Variants in MAF observed in about 807,000 individuals in gnomAD.
MAF encodes the protein MAF bZIP transcription factor, also known as transcription factor Maf.
Under a neutral mutation model 22.0 loss-of-function variants are expected in MAF, and 10 were observed. That is an observed-to-expected ratio of 0.45 (90% confidence interval 0.28 to 0.77). MAF has a LOEUF of 0.77. MAF is among the 30% of genes least tolerant of loss of function. MAF has a pLI of 0.12. For synonymous variants in MAF, 337 were observed against 255.8 expected, an observed-to-expected ratio of 1.32 and a Z score of -3.03; for missense variants, 544 against 548.4, an observed-to-expected ratio of 0.99 and a Z score of 0.08.
At position 79,599,267 on chromosome 16, in the gene MAF, G is replaced by A; in HGVS notation, c.636C>T (p.Gly212=). Residue 212 remains glycine (G), a synonymous_variant, in exon 1 of 2, where the codon GGC becomes GGT. Coordinates refer to ENST00000326043, the MANE Select transcript of MAF (RefSeq NM_005360.5). ...AAGSAAASAG[G]AGGAGGGGPA... is the part of the protein sequence containing the mutation. ...GGCCACCGCCGCCCGCGCCCCCAGC[G>A]CCACCGGCCGAGGCGGCCGCGCTGC... 1 of 978,528 alleles carries A rather than the reference G, an allele frequency of 1.0e-6. No individual in the cohort carries two copies. The highest frequency in any genetic ancestry group is 1.2e-6 in the Non-Finnish European group (1 of 827,378). 60.6% of individuals were successfully genotyped at this position (978,528 alleles called of 1,614,324 possible).
At chr16:79,462,747 C>A in the MAF span, among the ~76,000 whole-genome samples, 3 of 152,300 alleles carry the variant, frequency 2.0e-5, no homozygotes, top group African/African-American at 7.2e-5. Context: ...GGCCTTTGGA[C>A]CTATACCTAC....
the MAF span, among the ~76,000 whole-genome samples, chr16:79,344,220 C>T: frequency 6.6e-6 from 1 of 152,142 alleles, no homozygotes; most frequent in Non-Finnish European, 1.5e-5. Context: ...AGGAGTCCTT[C>T]TATTTACTTT....
chr16:79,576,387 G>C, the MAF span, among the ~76,000 whole-genome samples: 4 of 152,094 alleles, frequency 2.6e-5, no homozygotes, highest in Non-Finnish European at 5.9e-5. Flanking sequence ...ACCTGAGCTG[G>C]TCCTTCCCCA....
the MAF span, among the ~76,000 whole-genome samples, chr16:79,512,785 A>G: frequency 1.3e-5 from 2 of 152,140 alleles, no homozygotes; most frequent in African/African-American, 4.8e-5. Flanking sequence ...TATTGATTTC[A>G]CTCTTCCAAG....
the MAF span, among the ~76,000 whole-genome samples, chr16:79,306,681 G>C: frequency 6.6e-6 from 1 of 152,176 alleles, no homozygotes; most frequent in Admixed American, 6.5e-5. Context: ...CTGCTCACAT[G>C]ATTGCCAGCA....
chr16:79,560,944 T>A, the MAF span, among the ~76,000 whole-genome samples: 2 of 152,228 alleles, frequency 1.3e-5, no homozygotes, highest in Non-Finnish European at 1.5e-5. Context: ...GGTTCTCAAC[T>A]GCATTCAAGG....
chr16:79,391,535 A>T, the MAF span, among the ~76,000 whole-genome samples: 1 of 152,160 alleles, frequency 6.6e-6, no homozygotes, highest in Admixed American at 6.6e-5. Flanking sequence ...TGAGGGGCAG[A>T]CTTCTCAAAT....
chr16:79,570,110 G>C, the MAF span, among the ~76,000 whole-genome samples: 3 of 150,776 alleles, frequency 2.0e-5, no homozygotes, highest in African/African-American at 4.9e-5. Flanking sequence ...CAGCTCAAAA[G>C]GTTAAGAAAG....
chr16:79,559,695 T>A, the MAF span, among the ~76,000 whole-genome samples: 2 of 152,246 alleles, frequency 1.3e-5, no homozygotes, highest in African/African-American at 4.8e-5. Context: ...TGATTCCATT[T>A]TTAAATTGGA....
At chr16:79,416,675 G>A in the MAF span, among the ~76,000 whole-genome samples, 4 of 152,260 alleles carry the variant, frequency 2.6e-5, no homozygotes, top group Admixed American at 1.3e-4. Context: ...GCGGTGCTCC[G>A]AATGGTCAGT....
the MAF span, among the ~76,000 whole-genome samples, chr16:79,577,027 G>A: frequency 1.3e-5 from 2 of 152,054 alleles, no homozygotes; most frequent in Non-Finnish European, 2.9e-5. Context: ...CACATTACAG[G>A]GTATTAACGA....
In MAF at chr16:79,599,423, G is replaced by C; in HGVS notation, c.480C>G (p.Ala160=). Residue 160 remains alanine, a synonymous_variant, in exon 1 of 2, where the codon GCC becomes GCG. Transcript: ENST00000326043. ...LGGSGEEMGP[A]AAVVSAVIAA... ...CGATCACGGCGGACACCACGGCGGCGGCGGGGCCCATCTCCTCGCCGCTGC... is the reference window on the plus strand; with the variant it reads ...CGATCACGGCGGACACCACGGCGGCCGCGGGGCCCATCTCCTCGCCGCTGC... 8.4e-7 allele frequency: 1 copy of C among 1,188,786 alleles called. No homozygotes were observed. Among genetic ancestry groups the C allele is most frequent in the East Asian group, 3.7e-5 (1 of 27,318 alleles). The allele number at this position is 1,188,786 out of a possible 1,614,324, so 73.6% of individuals were successfully genotyped here.
chr16:79,595,708 T>G (rs1404610909), intron 1 of MAF: 1 of 1,057,880 alleles, frequency 9.5e-7, no homozygotes, highest in African/African-American at 1.6e-5. Context: ...AAGCACAGCC[T>G]ATATTCCACA....
chr16:79,539,334 A>G, the MAF span, among the ~76,000 whole-genome samples: 2 of 152,104 alleles, frequency 1.3e-5, no homozygotes, highest in Admixed American at 1.3e-4. Flanking sequence ...AAAACCCTGT[A>G]TCTGCTAAAA....
At chr16:79,417,678 C>T in the MAF span, among the ~76,000 whole-genome samples, 3 of 152,160 alleles carry the variant, frequency 2.0e-5, no homozygotes, top group African/African-American at 2.4e-5. Context: ...TACGGTCCTC[C>T]GTCCCCTCCC....
chr16:79,332,469 T>G, the MAF span, among the ~76,000 whole-genome samples: 1 of 152,128 alleles, frequency 6.6e-6, no homozygotes, highest in Non-Finnish European at 1.5e-5. Context: ...CACAGCTAAT[T>G]TTTGCATTTT....
downstream of MAF, among the ~76,000 whole-genome samples, chr16:79,592,434 T>A (rs1272801418): frequency 1.3e-5 from 2 of 152,248 alleles, no homozygotes; most frequent in African/African-American, 4.8e-5. Flanking sequence ...GGCTGTTTGA[T>A]GTCTGAATTT....
the MAF span, among the ~76,000 whole-genome samples, chr16:79,364,184 A>G: frequency 6.6e-6 from 1 of 152,306 alleles, no homozygotes; most frequent in South Asian, 2.1e-4. Flanking sequence ...AGCCCAGGGC[A>G]AATGTTAAGC....
chr16:79,348,455 A>T, the MAF span, among the ~76,000 whole-genome samples: 5 of 152,336 alleles, frequency 3.3e-5, no homozygotes, highest in East Asian at 9.6e-4. Context: ...TTAAAGATAC[A>T]GTGTCCCTTC....
Sources: gnomAD v4.1 joint callset for allele counts (sites outside exome capture counted in the v4.1 genomes callset) on GRCh38, gnomAD v4.1.1 for gene constraint, MANE v1.5 for transcripts, NCBI Gene and HGNC (gene_info 2026-07-23, HGNC 2026-07-21) for gene names.